ACTR3C: variants seen among roughly 807,000 people sequenced by gnomAD.
ACTR3C encodes actin-related protein 3C.
A neutral mutation model predicts 26.3 loss-of-function variants in ACTR3C; 18 were observed. That is an observed-to-expected ratio of 0.68 (90% CI 0.47 to 1.01). ACTR3C has a LOEUF of 1.01. ACTR3C is among the 50% of genes least tolerant of loss of function. The pLI is 0.00. For missense variants in ACTR3C, 184 were observed against 250.7 expected (o/e 0.73, Z 1.80); for synonymous variants, 55 against 94.5 (o/e 0.58, Z 2.42).
At chr7:149,907,474 TC>T in the ACTR3C span, among the ~76,000 whole-genome samples, 25,955 of 79,520 alleles carry the variant, frequency 0.33, 2,964 homozygotes, top group Middle Eastern at 0.47. Flanking sequence ...TTGCCTCTCT[TC>T]TCTTCTCTCT....
the ACTR3C span, among the ~76,000 whole-genome samples, chr7:150,034,890 T>G: frequency 5.1e-5 from 7 of 137,516 alleles, 1 homozygote; most frequent in Non-Finnish European, 9.4e-5. Context: ...AGTCCCTACC[T>G]CGCGGGGGGT....
At chr7:150,113,643 A>C in the ACTR3C span, among the ~76,000 whole-genome samples, 1 of 152,250 alleles carries the variant, frequency 6.6e-6, no homozygotes, top group African/African-American at 2.4e-5. Flanking sequence ...AATCATGAAT[A>C]AATTAGCAAG....
the ACTR3C span, among the ~76,000 whole-genome samples, chr7:150,020,618 T>A: frequency 6.6e-5 from 10 of 151,942 alleles, no homozygotes; most frequent in Non-Finnish European, 1.2e-4. Context: ...ATCTCACACA[T>A]TTTCTCCTCT....
chr7:150,258,455 G>A (rs1408274344), intron 6 of ACTR3C, among the ~76,000 whole-genome samples: 2 of 151,448 alleles, frequency 1.3e-5, no homozygotes, highest in Non-Finnish European at 1.5e-5. Flanking sequence ...GGAGCACAGA[G>A]GGCTATGAGA....
At chr7:149,890,036 A>G in the ACTR3C span, among the ~76,000 whole-genome samples, 3 of 152,246 alleles carry the variant, frequency 2.0e-5, no homozygotes, top group African/African-American at 7.2e-5. Context: ...TATATTCGTT[A>G]TAGAGTTATT....
the ACTR3C span, among the ~76,000 whole-genome samples, chr7:150,121,837 G>A: frequency 1.3e-5 from 2 of 151,670 alleles, no homozygotes; most frequent in Non-Finnish European, 1.5e-5. Context: ...CAAACTATAA[G>A]GCTACAGTAA....
At chr7:150,277,446 G>C (rs1834970881) in intron 6 of ACTR3C, among the ~76,000 whole-genome samples, 1 of 152,140 alleles carries the variant, frequency 6.6e-6, no homozygotes. Context: ...AGGCCGTCTT[G>C]TCCTCACCTG....
At chr7:150,184,411 T>G in the ACTR3C span, among the ~76,000 whole-genome samples, 1 of 150,818 alleles carries the variant, frequency 6.6e-6, no homozygotes, top group South Asian at 2.1e-4. Flanking sequence ...CAGTTGGTTT[T>G]CCTCTGTTCC....
At chr7:149,978,081 G>A in the ACTR3C span, among the ~76,000 whole-genome samples, 6 of 151,536 alleles carry the variant, frequency 4.0e-5, no homozygotes, top group African/African-American at 1.2e-4. Context: ...GAAAGCACGG[G>A]TTGCCTGTGT....
chr7:149,968,360 C>T, the ACTR3C span, among the ~76,000 whole-genome samples: 1 of 152,056 alleles, frequency 6.6e-6, no homozygotes, highest in African/African-American at 2.4e-5. Context: ...GGTGAAACCC[C>T]GTCTCTACTA....
chr7:150,101,418 A>G, the ACTR3C span, among the ~76,000 whole-genome samples: 1 of 151,690 alleles, frequency 6.6e-6, no homozygotes, highest in Admixed American at 6.6e-5. Context: ...AAGTTGTGCA[A>G]ACTCAGAAAG....
chr7:150,123,703 G>GA, the ACTR3C span, among the ~76,000 whole-genome samples: 2 of 151,566 alleles, frequency 1.3e-5, no homozygotes, highest in Admixed American at 6.6e-5. Flanking sequence ...CTCCTAGAGA[G>GA]AAAAAAAAGA....
At chr7:150,267,125 G>A (rs1468124613) in intron 6 of ACTR3C, among the ~76,000 whole-genome samples, 2 of 152,116 alleles carry the variant, frequency 1.3e-5, no homozygotes, top group Admixed American at 1.3e-4. Flanking sequence ...TGGCACAGTC[G>A]CTCGCTGAGG....
At chr7:150,167,694 C>T in the ACTR3C span, among the ~76,000 whole-genome samples, 1 of 150,494 alleles carries the variant, frequency 6.6e-6, no homozygotes, top group East Asian at 1.9e-4. Context: ...GTGATCAGGA[C>T]AGCTGCAGTA....
chr7:150,102,937 G>A, the ACTR3C span, among the ~76,000 whole-genome samples: 6 of 152,192 alleles, frequency 3.9e-5, no homozygotes, highest in Non-Finnish European at 8.8e-5. Context: ...AGACGTCTAG[G>A]AGCTTTTTGT....
chr7:150,003,079 G>A, the ACTR3C span: 1 of 152,254 alleles, frequency 6.6e-6, no homozygotes, highest in Non-Finnish European at 1.5e-5. Context: ...AGAAGTTGAG[G>A]TAGGGAGATG....
chr7:149,984,207 T>A, the ACTR3C span, among the ~76,000 whole-genome samples: 3 of 152,038 alleles, frequency 2.0e-5, no homozygotes, highest in African/African-American at 7.2e-5. Flanking sequence ...ATTCCTTTTT[T>A]TTTTTTCTTT....
At chr7:150,005,454 C>T in the ACTR3C span, among the ~76,000 whole-genome samples, 2 of 152,044 alleles carry the variant, frequency 1.3e-5, no homozygotes, top group South Asian at 4.2e-4. Flanking sequence ...CTGAACCTTG[C>T]TTTGGACAGT....
chr7:150,250,527 T>C (rs1331252689), intron 6 of ACTR3C, among the ~76,000 whole-genome samples: 1 of 151,892 alleles, frequency 6.6e-6, no homozygotes, highest in Non-Finnish European at 1.5e-5. Flanking sequence ...AAATATCACC[T>C]TAGCTACTGT....
Sources: gnomAD v4.1 joint callset for allele counts (sites outside exome capture counted in the v4.1 genomes callset) on GRCh38, gnomAD v4.1.1 for gene constraint, MANE v1.5 for transcripts, NCBI Gene and HGNC (gene_info 2026-07-23, HGNC 2026-07-21) for gene names.